Variants in MAPT observed in about 807,000 individuals in gnomAD.
The protein encoded by MAPT is microtubule-associated protein tau.
A neutral mutation model predicts 67.9 loss-of-function variants in MAPT; 34 were observed. That is an observed-to-expected ratio of 0.50 (90% CI 0.38 to 0.67). The LOEUF is 0.67. Among genes scored for constraint, MAPT ranks in the 30% least tolerant of loss-of-function variants. The pLI is 0.00. For missense variants in MAPT, 881 were observed against 1,115.2 expected, an observed-to-expected ratio of 0.79 and a Z score of 2.99; for synonymous variants, 456 against 464.5, an observed-to-expected ratio of 0.98 and a Z score of 0.23.
chr17:45,932,977 G>A (rs2066980465), intron 1 of MAPT, among the ~76,000 whole-genome samples: 1 of 152,138 alleles, frequency 6.6e-6, no homozygotes. Context: ...AGCTACTGGG[G>A]AGGGTGAGGC....
chr17:45,900,725 T>C (rs1206253581), intron 1 of MAPT, among the ~76,000 whole-genome samples: 1 of 152,174 alleles, frequency 6.6e-6, no homozygotes, highest in Non-Finnish European at 1.5e-5. Context: ...GTTAAGGAGG[T>C]AGGCTCTGAT....
chr17:45,964,116 G>T (rs2070760825), intron 2 of MAPT, among the ~76,000 whole-genome samples: 1 of 152,158 alleles, frequency 6.6e-6, no homozygotes, highest in African/African-American at 2.4e-5. Context: ...GACTGCTCCA[G>T]CCAGTGCTGC....
At chr17:45,986,132 A>G (rs552645234) in intron 5 of MAPT, among the ~76,000 whole-genome samples, 13 of 152,208 alleles carry the variant, frequency 8.5e-5, no homozygotes, top group Non-Finnish European at 1.2e-4. Context: ...GTGGGAATGT[A>G]TGATGGTAAC....
chr17:45,993,925 G>A (rs201795086), intron 8 of MAPT: 53 of 1,571,152 alleles, frequency 3.4e-5, no homozygotes, highest in Admixed American at 1.7e-4. Flanking sequence ...CTCTTTAAGC[G>A]ACTAAGCAAG....
At chr17:45,976,064 C>T (rs936470189) in intron 3 of MAPT, 1 of 152,330 alleles carries the variant, frequency 6.6e-6, no homozygotes, top group Non-Finnish European at 1.5e-5. Context: ...GCTGCAGCCT[C>T]ACCTCTGAGG....
chr17:45,974,843 G>T, intron 3 of MAPT: 1 of 291,968 alleles, frequency 3.4e-6, no homozygotes, highest in Non-Finnish European at 6.7e-6. Flanking sequence ...CCCAGCACAG[G>T]GTCACCTCCC....
chr17:45,997,747 G>A lies in MAPT; in HGVS notation c.1998+1083G>A, dbSNP rs539162475. Among the ~76,000 whole-genome samples the A allele has an allele frequency of 1.6e-4, 24 of 152,262 alleles. No individual in the cohort carries two copies. The South Asian group carries it at 2.5e-3, about 16-fold the overall frequency. The stretch of plus-strand genomic sequence containing the variant: ...TGCACTCCAGTTTGAGCAACAGAGC[G>A]AGACTCTGTCTCAAAACAAAATAAA... On this transcript the variant is annotated intron_variant, in intron 9 of 12. Transcript: ENST00000262410.
chr17:46,002,523 G>C (rs1480268927), intron 9 of MAPT, among the ~76,000 whole-genome samples: 4 of 152,148 alleles, frequency 2.6e-5, no homozygotes, highest in African/African-American at 7.2e-5. Context: ...AGCATGGGGG[G>C]GCCTGGTTGG....
At position 45,897,111 on chromosome 17, in the gene MAPT, A is replaced by G. The variant is rs76632685; in HGVS notation, c.-18+2425A>G. ...TCCTCGCATGGCTGGGCCCGCCGCG[A>G]GGGGTTGCAGAGCGGCTCAGGGATC... On this transcript the variant is annotated intron_variant, in intron 1 of 12. Transcript: ENST00000262410. This position sits in a 1 kb window ranked among gnomAD's most constrained non-coding sequence, Gnocchi z 5.0. 3 of 152,100 alleles carry G rather than the reference A, an allele frequency of 2.0e-5. No individual in the cohort carries two copies. Among genetic ancestry groups the G allele is most frequent in the Admixed American group, 6.5e-5 (1 of 15,270 alleles). The allele number at this position is 152,100 out of a possible 1,614,324, so 9.4% of individuals were successfully genotyped here. A position where few individuals can be genotyped will look rare whatever the true frequency, so the allele number is the denominator to read the frequency against.
chr17:45,899,413 A>T (rs1373955884), intron 1 of MAPT, among the ~76,000 whole-genome samples: 1 of 152,178 alleles, frequency 6.6e-6, no homozygotes, highest in African/African-American at 2.4e-5. Flanking sequence ...AGTGCTTGCT[A>T]AGATTATCTC....
rs573562931 is a variant in MAPT at position 46,010,133 on chromosome 17, C to T, written c.1999-177C>T. On this transcript the variant is annotated intron_variant, in intron 9 of 12. Coordinates refer to ENST00000262410, the MANE Select transcript of MAPT (RefSeq NM_001377265.1). The surrounding 1 kb of genome is among the most constrained non-coding windows in gnomAD (Gnocchi z 4.7). ...CCTTCAGCTCCCCTGGGATGTGACT[C>T]AACCTCCCGTCACTCCCCAGACTGC... Among the ~76,000 whole-genome samples the T allele has an allele frequency of 1.9e-3, 282 of 152,296 alleles. No individual in the cohort carries two copies. Among genetic ancestry groups the T allele is most frequent in the Non-Finnish European group, 3.5e-3 (240 of 68,024 alleles).
chr17:45,998,770 T>C (rs1046086734), intron 9 of MAPT, among the ~76,000 whole-genome samples: 5 of 151,962 alleles, frequency 3.3e-5, no homozygotes, highest in Non-Finnish European at 7.4e-5. Flanking sequence ...CGCTCCCTCG[T>C]CTCCAGACTT....
chr17:45,956,591 TA>T (rs1283379236), intron 1 of MAPT, among the ~76,000 whole-genome samples: 12 of 25,220 alleles, frequency 4.8e-4, no homozygotes, highest in African/African-American at 1.3e-3. Context: ...TATATATATA[TA>T]TATATATATT....
chr17:45,988,148 C>A (rs73317006), intron 6 of MAPT, among the ~76,000 whole-genome samples: 7,170 of 152,186 alleles, frequency 0.047, 604 homozygotes, highest in African/African-American at 0.16. Context: ...TTGTCATCAG[C>A]CCCAGGGCCC....
At chr17:45,982,360 C>T (rs1195529763) in intron 4 of MAPT, among the ~76,000 whole-genome samples, 1 of 150,446 alleles carries the variant, frequency 6.6e-6, no homozygotes, top group Admixed American at 6.6e-5. Flanking sequence ...GGCAGGAGAA[C>T]AGTGAGAGGT....
chr17:45,948,729 T>C (rs1300143099), intron 1 of MAPT, among the ~76,000 whole-genome samples: 1 of 152,128 alleles, frequency 6.6e-6, no homozygotes, highest in East Asian at 1.9e-4. Context: ...GTCAGCATAA[T>C]AGTTTGTTGT....
At chr17:45,904,136 T>G (rs1597849374) in intron 1 of MAPT, among the ~76,000 whole-genome samples, 1 of 35,040 alleles carries the variant, frequency 2.9e-5, no homozygotes, top group Non-Finnish European at 5.1e-5. Context: ...ATATTATATA[T>G]GTATATATTA....
intron 9 of MAPT, among the ~76,000 whole-genome samples, chr17:45,997,485 C>T (rs1404322548): frequency 6.6e-6 from 1 of 152,202 alleles, no homozygotes; most frequent in Non-Finnish European, 1.5e-5. Context: ...GGCAGCTGGG[C>T]GTAGTGGCTC....
intron 1 of MAPT, among the ~76,000 whole-genome samples, chr17:45,946,835 TG>T (rs2068562601): frequency 6.6e-6 from 1 of 151,806 alleles, no homozygotes; most frequent in Non-Finnish European, 1.5e-5. Context: ...AGACACAATC[TG>T]GGAATTTTCT....
Sources: gnomAD v4.1 joint callset for allele counts (sites outside exome capture counted in the v4.1 genomes callset) on GRCh38, gnomAD v4.1.1 for gene constraint, Gnocchi (gnomAD v3.1) non-coding constraint, MANE v1.5 for transcripts, NCBI Gene and HGNC (gene_info 2026-07-23, HGNC 2026-07-21) for gene names.